The following ENKUR variants were observed in gnomAD, a reference collection of about 807,000 sequenced individuals.
ENKUR encodes enkurin.
In ENKUR, 19 loss-of-function variants were observed where a neutral mutation model predicts 27.6. The observed-to-expected ratio is 0.69, with a 90% CI of 0.48 to 1.01. The LOEUF (loss-of-function observed/expected upper bound fraction) is 1.01. Among genes scored for constraint, ENKUR ranks in the 50% least tolerant of loss-of-function variants. ENKUR has a pLI of 0.00. For missense variants in ENKUR, 312 were observed against 310.5 expected, an observed-to-expected ratio of 1.00 and a Z score of -0.04; for synonymous variants, 117 against 96.9, an observed-to-expected ratio of 1.21 and a Z score of -1.22.
chr10:25,055,826 C>G (rs932215614), intron 2 of ENKUR, among the ~76,000 whole-genome samples: 2 of 152,112 alleles, frequency 1.3e-5, no homozygotes, highest in Admixed American at 6.5e-5. Context: ...CAGCATCAAC[C>G]AAATATCTAC....
intron 2 of ENKUR, among the ~76,000 whole-genome samples, chr10:25,031,793 CA>C (rs1850938286): frequency 7.4e-6 from 1 of 135,078 alleles, no homozygotes; most frequent in South Asian, 2.5e-4. Flanking sequence ...TTCATGGATA[CA>C]AAAGTCTTTT....
intron 2 of ENKUR, among the ~76,000 whole-genome samples, chr10:25,050,108 G>A (rs1851169075): frequency 6.6e-6 from 1 of 152,050 alleles, no homozygotes; most frequent in Admixed American, 6.6e-5. Flanking sequence ...AACCAGATCT[G>A]GTGTGAACTA....
chr10:25,024,448 G>T, intron 2 of ENKUR: 1 of 1,614,044 alleles, frequency 6.2e-7, no homozygotes, highest in Non-Finnish European at 8.5e-7. Context: ...ATTTTTTCCT[G>T]AGAATGGAGT....
intron 2 of ENKUR, among the ~76,000 whole-genome samples, chr10:25,053,517 A>G (rs767927855): frequency 2.0e-5 from 3 of 152,186 alleles, no homozygotes; most frequent in Non-Finnish European, 2.9e-5. Context: ...GATTCTGCAT[A>G]TAAGTCAGGC....
intron 1 of ENKUR, among the ~76,000 whole-genome samples, chr10:25,012,583 C>G (rs1044946107): frequency 2.6e-5 from 4 of 152,242 alleles, no homozygotes; most frequent in Admixed American, 1.3e-4. Context: ...GGTTTAATGA[C>G]TGCCCTATTA....
chr10:24,995,877 A>G lies in ENKUR; in HGVS notation c.224-8T>C, dbSNP rs539978991. 5 of 1,593,518 alleles carry G rather than the reference A, an allele frequency of 3.1e-6. No individual in the cohort carries two copies. The African/African-American group carries it at 6.8e-5, about 22-fold the overall frequency. ...TCCGATCAAAGTTTTTTTCTGTTAA[A>G]TATAACATTTCTTTGTTAATATTAA... On this transcript the variant is annotated splice_polypyrimidine_tract_variant and splice_region_variant and intron_variant, in intron 2 of 5. Transcript: ENST00000331161.
At chr10:24,990,978 T>C (rs1320929203) in intron 3 of ENKUR, among the ~76,000 whole-genome samples, 1 of 152,188 alleles carries the variant, frequency 6.6e-6, no homozygotes, top group Non-Finnish European at 1.5e-5. Context: ...CATGTGCCAG[T>C]AGTCCCAGCT....
At chr10:25,012,730 G>T (rs1036521128) in intron 1 of ENKUR, among the ~76,000 whole-genome samples, 19 of 152,198 alleles carry the variant, frequency 1.2e-4, no homozygotes, top group Non-Finnish European at 1.2e-4. Context: ...TTATATGCTT[G>T]TAGGCAGAAG....
intron 2 of ENKUR, among the ~76,000 whole-genome samples, chr10:24,998,994 A>T (rs1422064443): frequency 1.3e-5 from 2 of 152,226 alleles, no homozygotes; most frequent in Non-Finnish European, 1.5e-5. Flanking sequence ...TTGCTTCAAC[A>T]ACTGGTAGTA....
chr10:25,023,816 A>G, intron 2 of ENKUR: 2 of 1,614,248 alleles, frequency 1.2e-6, no homozygotes, highest in African/African-American at 1.3e-5. Flanking sequence ...AAGTGGTATG[A>G]TGCTCGTGTT....
At chr10:25,058,203 T>A (rs1224806007) in intron 2 of ENKUR, among the ~76,000 whole-genome samples, 1 of 151,886 alleles carries the variant, frequency 6.6e-6, no homozygotes, top group Non-Finnish European at 1.5e-5. Flanking sequence ...GGTGTTTTTG[T>A]TGTTGTTGTT....
At chr10:25,043,548 G>T (rs1208652385) in intron 2 of ENKUR, among the ~76,000 whole-genome samples, 12 of 151,986 alleles carry the variant, frequency 7.9e-5, no homozygotes, top group Admixed American at 7.9e-4. Flanking sequence ...TAGAAGTGTG[G>T]CCATAATATG....
At chr10:25,027,504 C>T (rs1478903349) in intron 2 of ENKUR, among the ~76,000 whole-genome samples, 3 of 149,532 alleles carry the variant, frequency 2.0e-5, no homozygotes, top group Admixed American at 6.7e-5. Flanking sequence ...CGCCGTTGCA[C>T]TCCAGCCTGG....
chr10:25,021,010 C>G (rs1850708250), upstream of ENKUR, among the ~76,000 whole-genome samples: 1 of 152,140 alleles, frequency 6.6e-6, no homozygotes, highest in Admixed American at 6.6e-5. Context: ...TTTCTGGTCC[C>G]TGGTTTACTT....
rs1163423754 is a variant in ENKUR at position 24,983,097 on chromosome 10, C to T, written c.*1273G>A. The T allele has an allele frequency of 6.6e-6, 1 of 152,168 alleles. No individual in the cohort carries two copies. Among genetic ancestry groups the T allele is most frequent in the Admixed American group, 6.6e-5 (1 of 15,266 alleles). The allele number at this position is 152,168 out of a possible 1,614,324, so 9.4% of individuals were successfully genotyped here. On this transcript the variant is annotated 3_prime_UTR_variant, in exon 6 of 6. Coordinates refer to ENST00000331161, the MANE Select transcript of ENKUR (RefSeq NM_145010.4). The stretch of plus-strand genomic sequence containing the variant: ...AAGACTGCCTGGATCAACAGAGTCA[C>T]CAGACAAAAGGAGACTGGGTCCCTG...
At chr10:25,012,908 ACGCAAATCT>A (rs2132724005) in intron 1 of ENKUR, among the ~76,000 whole-genome samples, 1 of 152,310 alleles carries the variant, frequency 6.6e-6, no homozygotes, top group African/African-American at 2.4e-5. Context: ...CTGCATCCCC[ACGCAAATCT>A]CACATTAAAT....
intron 2 of ENKUR, among the ~76,000 whole-genome samples, chr10:25,029,638 A>C (rs1454403155): frequency 6.6e-6 from 1 of 152,192 alleles, no homozygotes; most frequent in African/African-American, 2.4e-5. Context: ...AATACAATCT[A>C]CGTATGAAAA....
intron 2 of ENKUR, among the ~76,000 whole-genome samples, chr10:25,032,312 GA>G (rs60251099): frequency 7.2e-6 from 1 of 139,038 alleles, no homozygotes; most frequent in Non-Finnish European, 1.5e-5. Context: ...TCAGAGTAAA[GA>G]AGGGGGGGGG....
At chr10:25,015,059 G>A (rs1850534924) in intron 1 of ENKUR, among the ~76,000 whole-genome samples, 1 of 152,170 alleles carries the variant, frequency 6.6e-6, no homozygotes, top group Admixed American at 6.5e-5. Context: ...AAGGATGATG[G>A]TAAAAGACAG....
Sources: allele counts gnomAD v4.1 joint callset (sites outside exome capture counted in the v4.1 genomes callset), GRCh38; gene constraint gnomAD v4.1.1; transcripts MANE v1.5; gene names NCBI Gene and HGNC (gene_info 2026-07-23, HGNC 2026-07-21).